CACNA1C: variants seen among roughly 807,000 people sequenced by gnomAD.
CACNA1C encodes calcium voltage-gated channel subunit alpha1 C.
A neutral mutation model predicts 229.0 loss-of-function variants in CACNA1C; 30 were observed. The observed-to-expected ratio is 0.13, with a 90% CI of 0.10 to 0.18. The LOEUF (loss-of-function observed/expected upper bound fraction) is 0.18. CACNA1C is among the 10% of genes least tolerant of loss of function. The pLI is 1.00. For synonymous variants in CACNA1C, 1,114 were observed against 1,132.5 expected (o/e 0.98, Z 0.33); for missense variants, 1,658 against 2,845.0 (o/e 0.58, Z 9.49).
intron 3 of CACNA1C, among the ~76,000 whole-genome samples, chr12:2,300,245 A>G (rs1282486410): frequency 6.6e-6 from 1 of 152,234 alleles, no homozygotes; most frequent in Admixed American, 6.5e-5. Flanking sequence ...CCCGATTGTC[A>G]TCCAGAATGA....
intron 3 of CACNA1C, among the ~76,000 whole-genome samples, chr12:2,353,644 G>A (rs889795141): frequency 1.3e-5 from 2 of 152,166 alleles, no homozygotes; most frequent in Non-Finnish European, 2.9e-5. Context: ...ATTGTGTTGG[G>A]GCTCAGGGAG....
At chr12:2,398,572 A>G (rs1054475768) in intron 3 of CACNA1C, among the ~76,000 whole-genome samples, 2 of 152,136 alleles carry the variant, frequency 1.3e-5, no homozygotes, top group African/African-American at 2.4e-5. Context: ...CATACCTTAC[A>G]TCCTGCCCAC....
At chr12:2,359,188 C>T (rs1221611875) in intron 3 of CACNA1C, among the ~76,000 whole-genome samples, 1 of 152,222 alleles carries the variant, frequency 6.6e-6, no homozygotes, top group African/African-American at 2.4e-5. Context: ...CTTCCCTTTG[C>T]TCTCTGGTTC....
intron 1 of CACNA1C, among the ~76,000 whole-genome samples, chr12:2,065,470 A>C (rs544752962): frequency 1.3e-5 from 2 of 152,348 alleles, no homozygotes; most frequent in African/African-American, 4.8e-5. Context: ...AGCGTCTGCT[A>C]TCTGCAAGGC....
Position 2,605,617 on chromosome 12 carries a change from C to T in CACNA1C, c.3049-62C>T, listed in dbSNP as rs879759419. 1.0e-5 allele frequency: 13 copies of T among 1,269,332 alleles called. No homozygotes were observed. The highest frequency in any genetic ancestry group is 1.8e-4 in the Middle Eastern group (1 of 5,416). The allele number at this position is 1,269,332 out of a possible 1,614,324, so 78.6% of individuals were successfully genotyped here. On this transcript the variant is annotated intron_variant, in intron 23 of 46. Transcript: ENST00000399655. The surrounding 1 kb of genome is among the most constrained non-coding windows in gnomAD (Gnocchi z 6.2). The stretch of plus-strand genomic sequence containing the variant: ...GGCAAACGGGCTGCCCCTGCTACCT[C>T]CTGGAAAGGCTCCTGGCATCTCCTG...
At chr12:2,059,502 G>GT (rs2056611687) in intron 1 of CACNA1C, among the ~76,000 whole-genome samples, 1 of 151,598 alleles carries the variant, frequency 6.6e-6, no homozygotes, top group Non-Finnish European at 1.5e-5. Context: ...TAACTGGCAA[G>GT]AAACCCAAAC....
chr12:2,116,369 G>A (rs767630120), intron 2 of CACNA1C, among the ~76,000 whole-genome samples: 2 of 150,684 alleles, frequency 1.3e-5, no homozygotes, highest in Non-Finnish European at 3.0e-5. Context: ...AATTGGGAAG[G>A]ACTTTTTTTT....
intron 1 of CACNA1C, among the ~76,000 whole-genome samples, chr12:2,106,813 G>A (rs2078998481): frequency 7.7e-6 from 1 of 130,664 alleles, no homozygotes; most frequent in Admixed American, 7.5e-5. Context: ...ACCCCGGGGA[G>A]GGTTTCCACC....
Position 2,493,446 on chromosome 12 carries a change from G to T in CACNA1C, c.1113+60G>T, listed in dbSNP as rs1464018610. 1 of 1,283,778 alleles carries T rather than the reference G, an allele frequency of 7.8e-7. No individual in the cohort carries two copies. The highest frequency in any genetic ancestry group is 2.4e-5 in the East Asian group (1 of 42,536). The allele number at this position is 1,283,778 out of a possible 1,614,324, so 79.5% of individuals were successfully genotyped here. A position where few individuals can be genotyped will look rare whatever the true frequency, so the allele number is the denominator to read the frequency against. On this transcript the variant is annotated intron_variant, in intron 7 of 46. Transcript: ENST00000399655. This position sits in a 1 kb window ranked among gnomAD's most constrained non-coding sequence, Gnocchi z 4.6. ...GAACAGCGGCCGTGAACCCTTCCCTGACACCTCCCTTTCTCCTCCTCCCCA... is the reference window on the plus strand; with the variant it reads ...GAACAGCGGCCGTGAACCCTTCCCTTACACCTCCCTTTCTCCTCCTCCCCA...
At chr12:2,056,981 G>C (rs2055240026) in intron 1 of CACNA1C, among the ~76,000 whole-genome samples, 1 of 152,170 alleles carries the variant, frequency 6.6e-6, no homozygotes. Context: ...TGAGAGAGAA[G>C]TATTGATAAT....
Position 2,677,016 on chromosome 12 carries a change from T to C in CACNA1C, c.4829-78T>C, listed in dbSNP as rs2096855769. On this transcript the variant is annotated intron_variant, in intron 39 of 46. Coordinates refer to ENST00000399655, the MANE Select transcript of CACNA1C (RefSeq NM_000719.7). The surrounding 1 kb of genome is among the most constrained non-coding windows in gnomAD (Gnocchi z 7.4). ...TAAAGTTTTAAAAAGTTTTGGATGC[T>C]GAAAAAAAAAATGAATGAAGTTCAA... 2.4e-6 allele frequency: 3 copies of C among 1,264,918 alleles called. No homozygotes were observed. The highest frequency in any genetic ancestry group is 3.4e-6 in the Non-Finnish European group (3 of 889,436). The allele number at this position is 1,264,918 out of a possible 1,614,324, so 78.4% of individuals were successfully genotyped here. A position where few individuals can be genotyped will look rare whatever the true frequency, so the allele number is the denominator to read the frequency against.
chr12:2,026,162 G>A (rs2047287152), intron 1 of CACNA1C, among the ~76,000 whole-genome samples: 1 of 152,202 alleles, frequency 6.6e-6, no homozygotes, highest in Non-Finnish European at 1.5e-5. Flanking sequence ...TTTGAAGAAG[G>A]TGAGAGTTGG....
At chr12:2,446,208 T>TGGATGGAG (rs2099277013) in intron 3 of CACNA1C, among the ~76,000 whole-genome samples, 1 of 143,882 alleles carries the variant, frequency 7.0e-6, no homozygotes, top group Non-Finnish European at 1.5e-5. Context: ...GGTGGATGGA[T>TGGATGGAG]GGATGGATGG....
In CACNA1C at chr12:2,633,014, T is replaced by A. The variant is rs1194809002; in HGVS notation, c.3829-1283T>A. On this transcript the variant is annotated intron_variant, in intron 29 of 46. Coordinates refer to ENST00000399655, the MANE Select transcript of CACNA1C (RefSeq NM_000719.7). The surrounding 1 kb of genome is among the most constrained non-coding windows in gnomAD (Gnocchi z 5.8). ...TTTGATCTGCAAGAGTTGCACTTAT[T>A]ATGGATCTTGTTTTAACAATTTGGT... Among the ~76,000 whole-genome samples, 2 of 152,192 alleles carry A rather than the reference T, an allele frequency of 1.3e-5. No individual in the cohort carries two copies. The highest frequency in any genetic ancestry group is 2.9e-5 in the Non-Finnish European group (2 of 68,038).
In CACNA1C at chr12:2,680,464, C is replaced by T. The variant is rs748772923; in HGVS notation, c.5444+668C>T. 5.1e-6 allele frequency: 8 copies of T among 1,564,064 alleles called. No homozygotes were observed. The African/African-American group carries it at 5.4e-5, about 11-fold the overall frequency. On this transcript the variant is annotated intron_variant, in intron 42 of 46. Transcript: ENST00000399655. Reference sequence around the variant, plus strand: ...CATCAGCAGCTCCAGGGTTCCCTGGCGGGGCTGAGAGAGGACACACCCTGC... The same window carrying T: ...CATCAGCAGCTCCAGGGTTCCCTGGTGGGGCTGAGAGAGGACACACCCTGC...
rs775668762 is a variant in CACNA1C at position 2,004,242 on chromosome 12, C to T, written c.139+33041C>T. On this transcript the variant is annotated intron_variant, in intron 1 of 46. Coordinates refer to the CACNA1C transcript ENST00000682462. ...GAGTCTGACGCCCCCCGCCTCCACC[C>T]CAACCCTGGGCTGCACTGCTCCGCC... 1.1e-5 allele frequency: 17 copies of T among 1,610,604 alleles called. 1 individual carries two copies. In the South Asian group the frequency reaches 1.8e-4, roughly 17 times the overall value.
At chr12:2,336,985 T>C (rs2096716056) in intron 3 of CACNA1C, among the ~76,000 whole-genome samples, 1 of 152,244 alleles carries the variant, frequency 6.6e-6, no homozygotes, top group African/African-American at 2.4e-5. Context: ...TTAGAAATGC[T>C]ATGGAATTCA....
chr12:2,159,630 G>A (rs1463660206), intron 3 of CACNA1C, among the ~76,000 whole-genome samples: 3 of 144,044 alleles, frequency 2.1e-5, no homozygotes, highest in Admixed American at 7.0e-5. Context: ...TGAGATGGGA[G>A]TTTCGCTCTC....
intron 1 of CACNA1C, among the ~76,000 whole-genome samples, chr12:1,983,582 A>C (rs2036777787): frequency 6.6e-6 from 1 of 152,090 alleles, no homozygotes; most frequent in Non-Finnish European, 1.5e-5. Flanking sequence ...TGGTCCCAAG[A>C]ATATACTTTG....
Sources: gnomAD v4.1 joint callset for allele counts (sites outside exome capture counted in the v4.1 genomes callset) on GRCh38, gnomAD v4.1.1 for gene constraint, Gnocchi (gnomAD v3.1) non-coding constraint, MANE v1.5 for transcripts, NCBI Gene and HGNC (gene_info 2026-07-23, HGNC 2026-07-21) for gene names.